ASXL2: variants seen among roughly 807,000 people sequenced by gnomAD.
The protein encoded by ASXL2 is ASXL transcriptional regulator 2, also known as putative Polycomb group protein ASXL2.
ASXL2 carries 23 observed loss-of-function variants against 122.0 expected under a neutral mutation model. The observed-to-expected ratio is 0.19, with a 90% CI of 0.14 to 0.27. The LOEUF is 0.27. Among genes scored for constraint, ASXL2 ranks in the 10% least tolerant of loss-of-function variants. The probability of loss-of-function intolerance (pLI) is 1.00; values close to 1 mark genes in which losing one functional copy is unlikely to be tolerated. For missense variants in ASXL2, 1,518 were observed against 1,713.8 expected (o/e 0.89, Z 2.02); for synonymous variants, 650 against 637.0 (o/e 1.02, Z -0.31).
rs1005255310 is a variant in ASXL2, at chr2:25,741,024, C to T, written c.*1005G>A. 3.1e-5 allele frequency: 6 copies of T among 193,150 alleles called. No individual in the cohort carries two copies. Among genetic ancestry groups the T allele is most frequent in the African/African-American group, 1.4e-4 (6 of 43,120 alleles). 12.0% of individuals were successfully genotyped at this position (193,150 alleles called of 1,614,324 possible). A position where few individuals can be genotyped will look rare whatever the true frequency, so the allele number is the denominator to read the frequency against. On this transcript the variant is annotated 3_prime_UTR_variant, in exon 13 of 13. Coordinates refer to ENST00000435504, the MANE Select transcript of ASXL2 (RefSeq NM_018263.6). ...AGAGGAAAAGAGAAGCGACCTTGTT[C>T]TAGTGTCAAAACTGTTTTCCAAAGT...
intron 1 of ASXL2, among the ~76,000 whole-genome samples, chr2:25,859,827 T>C (rs2089823422): frequency 1.3e-5 from 2 of 152,198 alleles, no homozygotes; most frequent in South Asian, 4.1e-4. Context: ...AACCCCTAAA[T>C]ATTTGGAAAC....
intron 6 of ASXL2, 116 bp downstream of exon 6, chr2:25,771,324 T>C (rs1442677884): frequency 1.1e-5 from 9 of 817,188 alleles, no homozygotes; most frequent in Non-Finnish European, 1.7e-5. Flanking sequence ...TGCATGAAAG[T>C]TCCACTGGCA....
chr2:25,799,521 A>T lies in ASXL2; in HGVS notation c.267T>A (p.Asp89Glu), dbSNP rs912586455. The change falls in exon 5 of 13, where the codon GAT becomes GAA. Residue 89 changes from aspartate to glutamate, a missense_variant. By Grantham distance (45) the Asp-to-Glu change is conservative. Coordinates refer to ENST00000435504, the MANE Select transcript of ASXL2 (RefSeq NM_018263.6). ...GVYTLKKDVP[D>E]GVKELSEGSE... ...AACCTTCTGACAGCTCTTTCACCCC[A>T]TCCGGCACATCTTTCTGAAAATGTA... 6.2e-7 allele frequency: 1 copy of T among 1,611,276 alleles called. No homozygotes were observed. The highest frequency in any genetic ancestry group is 1.1e-5 in the South Asian group (1 of 90,690).
intron 5 of ASXL2, among the ~76,000 whole-genome samples, chr2:25,781,390 A>ACT (rs74469416): frequency 0.32 from 48,834 of 151,632 alleles, 8,405 homozygotes; most frequent in African/African-American, 0.41. Flanking sequence ...CGAGAGCAAA[A>ACT]CTGTCTCAAA....
chr2:25,743,895 T>C lies in ASXL2; in HGVS notation c.2442A>G (p.Thr814=). The C allele has an allele frequency of 1.9e-6, 3 of 1,614,034 alleles. No homozygotes were observed. The highest frequency in any genetic ancestry group is 2.5e-6 in the Non-Finnish European group (3 of 1,179,902). ...CTTGTGGATGGCTGACAGAGGCCAC[T>C]GTGGCTGTTGCTCTGGTGGGGTTCA... ...EKLNPTRATA[T]VASVSHPQGP... is the part of the protein sequence containing the mutation. The change falls in exon 13 of 13, where the codon ACA becomes ACG. Residue 814 remains threonine (T), a synonymous_variant. Coordinates refer to ENST00000435504, the MANE Select transcript of ASXL2 (RefSeq NM_018263.6).
At chr2:25,781,519 A>G (rs1559509383) in intron 5 of ASXL2, among the ~76,000 whole-genome samples, 1 of 151,154 alleles carries the variant, frequency 6.6e-6, no homozygotes, top group African/African-American at 2.4e-5. Flanking sequence ...ATTACATATT[A>G]ATTTTATTTA....
At chr2:25,772,522 C>T (rs1433923694) in intron 5 of ASXL2, among the ~76,000 whole-genome samples, 1 of 151,908 alleles carries the variant, frequency 6.6e-6, no homozygotes, top group Non-Finnish European at 1.5e-5. Context: ...GACCTGAGGT[C>T]GGAGTTCAAG....
chr2:25,739,012 T>G lies in ASXL2; in HGVS notation c.*3017A>C, dbSNP rs2087782785. ...GGAGAATTCTAATTCTCCAAAATTA[T>G]TTAAGATTCAGGGAGACTTATTTAC... On this transcript the variant is annotated 3_prime_UTR_variant, in exon 13 of 13. Transcript: ENST00000435504. 1 of 152,218 alleles carries G rather than the reference T, an allele frequency of 6.6e-6. No individual in the cohort carries two copies. Among genetic ancestry groups the G allele is most frequent in the Non-Finnish European group, 1.5e-5 (1 of 68,032 alleles). 9.4% of individuals were successfully genotyped at this position (152,218 alleles called of 1,614,324 possible). A position where few individuals can be genotyped will look rare whatever the true frequency, so the allele number is the denominator to read the frequency against.
chr2:25,775,447 G>T (rs898956001), intron 5 of ASXL2, among the ~76,000 whole-genome samples: 2 of 152,070 alleles, frequency 1.3e-5, no homozygotes, highest in East Asian at 3.9e-4. Flanking sequence ...ATCTTGAATT[G>T]TAATCCCCAC....
At chr2:25,814,625 G>A (rs1241899553) in intron 3 of ASXL2, among the ~76,000 whole-genome samples, 2 of 152,186 alleles carry the variant, frequency 1.3e-5, no homozygotes, top group African/African-American at 2.4e-5. Context: ...AATTTTATGC[G>A]GTGAGCATGT....
intron 1 of ASXL2, among the ~76,000 whole-genome samples, chr2:25,861,350 T>C (rs554032182): frequency 2.6e-5 from 4 of 152,278 alleles, no homozygotes; most frequent in Non-Finnish European, 5.9e-5. Flanking sequence ...TATGCCCACA[T>C]ACTTAATAAC....
chr2:25,878,389 G>T lies in ASXL2; in HGVS notation c.-167C>A, dbSNP rs1574460501. 1 of 617,738 alleles carries T rather than the reference G, an allele frequency of 1.6e-6. No individual in the cohort carries two copies. 38.3% of individuals were successfully genotyped at this position (617,738 alleles called of 1,614,324 possible). A position where few individuals can be genotyped will look rare whatever the true frequency, so the allele number is the denominator to read the frequency against. ...AGGAAGCGGCGGGGGTGGTGCGCGG[G>T]GGGGTCTATGGGGCGGCCGGTCCTC... On this transcript the variant is annotated 5_prime_UTR_variant, in exon 1 of 13. Transcript: ENST00000435504.
chr2:25,871,402 G>A (rs1004400690), intron 1 of ASXL2, among the ~76,000 whole-genome samples: 3 of 152,074 alleles, frequency 2.0e-5, no homozygotes, highest in Admixed American at 6.6e-5. Context: ...TTTTCTCAAC[G>A]CCTTTCAGAA....
In ASXL2 at chr2:25,756,270, T is replaced by A. The variant is rs755229291; in HGVS notation, c.940-156A>T. Among the ~76,000 whole-genome samples the A allele has an allele frequency of 4.1e-4, 63 of 152,176 alleles. 1 individual carries two copies. Among genetic ancestry groups the A allele is most frequent in the Non-Finnish European group, 7.9e-4 (54 of 68,012 alleles). Reference sequence around the variant, plus strand: ...TATGTGCTTATCCAACTCTGTTATTTAATGTAATATCACTTTGTTCTAAAA... The same window carrying A: ...TATGTGCTTATCCAACTCTGTTATTAAATGTAATATCACTTTGTTCTAAAA... On this transcript the variant is annotated intron_variant, in intron 9 of 12. Transcript: ENST00000435504.
chr2:25,806,606 A>T (rs945662880), intron 3 of ASXL2, among the ~76,000 whole-genome samples: 2 of 152,264 alleles, frequency 1.3e-5, no homozygotes, highest in Admixed American at 1.3e-4. Flanking sequence ...GAAGTATTAC[A>T]AACATATTTT....
At chr2:25,786,136 A>T (rs1167335672) in intron 5 of ASXL2, among the ~76,000 whole-genome samples, 1 of 152,200 alleles carries the variant, frequency 6.6e-6, no homozygotes, top group Non-Finnish European at 1.5e-5. Flanking sequence ...CAACTGATAA[A>T]ATTCAACATC....
rs187109440 is a variant in ASXL2, at chr2:25,814,169, G to A, written c.144-7832C>T. On this transcript the variant is annotated intron_variant, in intron 3 of 12. Transcript: ENST00000435504. The stretch of plus-strand genomic sequence containing the variant: ...TTTGAAAAACCTACAAGATATACAG[G>A]ACACAGTACCATTTAAAACAAAATT... Among the ~76,000 whole-genome samples, 14 of 152,184 alleles carry A rather than the reference G, an allele frequency of 9.2e-5. No homozygotes were observed. In the East Asian group the frequency reaches 2.1e-3, roughly 23 times the overall value.
intron 11 of ASXL2, among the ~76,000 whole-genome samples, chr2:25,753,233 G>A (rs2088076706): frequency 7.5e-6 from 1 of 132,758 alleles, no homozygotes; most frequent in African/African-American, 3.0e-5. Context: ...CCAAAGTGCT[G>A]GGGTTATAGT....
chr2:25,746,451 A>C (rs2087942963), intron 12 of ASXL2, among the ~76,000 whole-genome samples: 1 of 151,946 alleles, frequency 6.6e-6, no homozygotes, highest in Admixed American at 6.6e-5. Context: ...AGTAAGAAAG[A>C]AGCAGTTATT....
Sources: gnomAD v4.1 joint callset for allele counts (sites outside exome capture counted in the v4.1 genomes callset) on GRCh38, gnomAD v4.1.1 for gene constraint, MANE v1.5 for transcripts, NCBI Gene and HGNC (gene_info 2026-07-23, HGNC 2026-07-21) for gene names.